The following BNC2 variants were observed in gnomAD, a reference collection of about 807,000 sequenced individuals.
The protein encoded by BNC2 is basonuclin zinc finger protein 2.
In BNC2, 20 loss-of-function variants were observed where a neutral mutation model predicts 76.3. The ratio of observed to expected loss-of-function variants is 0.26; its 90% confidence interval spans 0.18 to 0.38. The LOEUF (loss-of-function observed/expected upper bound fraction) is 0.38. Ranked by LOEUF, BNC2 falls within the 10% of genes least tolerant of loss-of-function variation. BNC2 has a pLI of 1.00. For missense variants in BNC2, 1,382 were observed against 1,399.8 expected (o/e 0.99, Z 0.20); for synonymous variants, 582 against 514.8 (o/e 1.13, Z -1.77).
chr9:16,631,567 T>C (rs993475460), intron 3 of BNC2, among the ~76,000 whole-genome samples: 11 of 152,214 alleles, frequency 7.2e-5, no homozygotes, highest in African/African-American at 2.2e-4. Context: ...AGATTTATTA[T>C]TAAAGAAGCA....
chr9:16,793,873 T>C (rs1238288121), intron 1 of BNC2, among the ~76,000 whole-genome samples: 1 of 143,252 alleles, frequency 7.0e-6, no homozygotes, highest in Admixed American at 6.9e-5. Flanking sequence ...TTTTTGTTTT[T>C]TTTTTTTTTT....
chr9:16,636,926 A>AATATAT (rs112209032), intron 3 of BNC2, among the ~76,000 whole-genome samples: 39 of 150,922 alleles, frequency 2.6e-4, no homozygotes, highest in African/African-American at 9.5e-4. Flanking sequence ...CCATGATTTA[A>AATATAT]ATATATATAT....
rs1818704802 is a variant in BNC2 at position 16,552,750 on chromosome 9, C to T, written c.449G>A (p.Ser150Asn). 2 of 1,614,000 alleles carry T rather than the reference C, an allele frequency of 1.2e-6. No homozygotes were observed. The highest frequency in any genetic ancestry group is 1.7e-6 in the Non-Finnish European group (2 of 1,180,028). ...GGTGGGGTGGTACAGGTGCTGCGTGCTGAGCTTATCCAAGGCTGTGGTGGT... is the reference window on the plus strand; with the variant it reads ...GGTGGGGTGGTACAGGTGCTGCGTGTTGAGCTTATCCAAGGCTGTGGTGGT... ...GWVAHALDKL[S>N]TQHLYHPTQV... The change falls in exon 5 of 7, where the codon AGC becomes AAC. Residue 150 changes from serine to asparagine, a missense_variant. Ser to Asn is a conservative substitution (Grantham distance 46, BLOSUM62 1). This residue lies in a region of BNC2 where 557 missense variants were observed against 540.9 expected (regional missense o/e 1.03). Coordinates refer to ENST00000380672, the MANE Select transcript of BNC2 (RefSeq NM_017637.6).
intron 3 of BNC2, among the ~76,000 whole-genome samples, chr9:16,712,101 C>CA (rs1823868431): frequency 6.6e-6 from 1 of 152,118 alleles, no homozygotes; most frequent in African/African-American, 2.4e-5. Context: ...TACCTGTGTA[C>CA]AAAAAATTAT....
At chr9:16,745,267 T>A (rs965736423) in intron 1 of BNC2, among the ~76,000 whole-genome samples, 17 of 152,174 alleles carry the variant, frequency 1.1e-4, no homozygotes, top group Non-Finnish European at 1.6e-4. Flanking sequence ...ACAGGCCAAG[T>A]TTGGCTTCAG....
chr9:16,506,748 G>A (rs1822637527), intron 5 of BNC2, among the ~76,000 whole-genome samples: 1 of 148,914 alleles, frequency 6.7e-6, no homozygotes, highest in African/African-American at 2.5e-5. Context: ...CTGTTTGTTT[G>A]GTTTTTTTTG....
intron 3 of BNC2, among the ~76,000 whole-genome samples, chr9:16,689,898 A>T (rs1217106175): frequency 6.6e-6 from 1 of 152,244 alleles, no homozygotes; most frequent in East Asian, 1.9e-4. Context: ...CCTGTGAGAA[A>T]GAGCAGATAA....
chr9:16,625,164 A>G, intron 3 of BNC2, among the ~76,000 whole-genome samples: 1 of 152,168 alleles, frequency 6.6e-6, no homozygotes, highest in East Asian at 1.9e-4. Context: ...ACATGCATCT[A>G]CCCTATGCAT....
chr9:16,842,530 T>A (rs1193510090), intron 1 of BNC2, among the ~76,000 whole-genome samples: 1 of 151,900 alleles, frequency 6.6e-6, no homozygotes, highest in Non-Finnish European at 1.5e-5. Flanking sequence ...CTCTGTGGAG[T>A]GACGAAAGCG....
At chr9:16,573,452 C>G (rs979386875) in intron 4 of BNC2, among the ~76,000 whole-genome samples, 3 of 152,162 alleles carry the variant, frequency 2.0e-5, no homozygotes, top group Admixed American at 2.0e-4. Context: ...ATACCTACAT[C>G]ACATCTCAAT....
At chr9:16,555,319 G>A (rs1360452151) in intron 4 of BNC2, among the ~76,000 whole-genome samples, 10 of 149,480 alleles carry the variant, frequency 6.7e-5, no homozygotes, top group South Asian at 2.3e-4. Context: ...CACCACACCC[G>A]GCCAAGGTTG....
At chr9:16,748,519 T>C (rs1052350415) in intron 1 of BNC2, among the ~76,000 whole-genome samples, 8 of 146,870 alleles carry the variant, frequency 5.4e-5, no homozygotes, top group African/African-American at 1.8e-4. Flanking sequence ...GTCTTAAACA[T>C]TTAAAAAGAA....
At chr9:16,658,028 C>T (rs1296201855) in intron 3 of BNC2, among the ~76,000 whole-genome samples, 1 of 152,080 alleles carries the variant, frequency 6.6e-6, no homozygotes, top group East Asian at 1.9e-4. Flanking sequence ...CAATAATAGA[C>T]CGGAATTTCG....
At chr9:16,501,471 G>C (rs755958400) in intron 5 of BNC2, among the ~76,000 whole-genome samples, 3 of 152,160 alleles carry the variant, frequency 2.0e-5, no homozygotes, top group Non-Finnish European at 4.4e-5. Flanking sequence ...CACTCAGTGA[G>C]ATGGATGGAT....
intron 3 of BNC2, among the ~76,000 whole-genome samples, chr9:16,656,519 C>T (rs530562750): frequency 6.6e-6 from 1 of 152,118 alleles, no homozygotes; most frequent in Non-Finnish European, 1.5e-5. Flanking sequence ...TGAGGTATAA[C>T]TGGTATACAA....
intron 6 of BNC2, among the ~76,000 whole-genome samples, chr9:16,433,199 G>C (rs1820940255): frequency 6.6e-6 from 1 of 152,136 alleles, no homozygotes; most frequent in African/African-American, 2.4e-5. Flanking sequence ...CAAAATTAAA[G>C]TATCAGAACT....
At chr9:16,480,758 G>A (rs1014045552) in intron 5 of BNC2, among the ~76,000 whole-genome samples, 3 of 152,180 alleles carry the variant, frequency 2.0e-5, no homozygotes, top group Non-Finnish European at 4.4e-5. Flanking sequence ...GGCAGGGCTC[G>A]GGACCTGCAG....
intron 3 of BNC2, among the ~76,000 whole-genome samples, chr9:16,628,637 C>G (rs1270009435): frequency 6.6e-6 from 1 of 152,142 alleles, no homozygotes; most frequent in Non-Finnish European, 1.5e-5. Flanking sequence ...ACACGCAGAG[C>G]AATTCGCAGA....
chr9:16,787,200 G>A (rs922590413), intron 1 of BNC2, among the ~76,000 whole-genome samples: 1 of 152,178 alleles, frequency 6.6e-6, no homozygotes, highest in Non-Finnish European at 1.5e-5. Flanking sequence ...AAACTTCCAA[G>A]AGTGTCAGAA....
Sources: gnomAD v4.1 joint callset for allele counts (sites outside exome capture counted in the v4.1 genomes callset) on GRCh38, gnomAD v4.1.1 for gene constraint, gnomAD v4.1.1 regional missense constraint, MANE v1.5 for transcripts, NCBI Gene and HGNC (gene_info 2026-07-23, HGNC 2026-07-21) for gene names.